MYLIP: variants seen among roughly 807,000 people sequenced by gnomAD.
MYLIP encodes E3 ubiquitin-protein ligase MYLIP.
In MYLIP, 26 loss-of-function variants were observed where a neutral mutation model predicts 45.8. That is an observed-to-expected ratio of 0.57 (90% confidence interval 0.42 to 0.79). The LOEUF (loss-of-function observed/expected upper bound fraction) is 0.79, where lower values mean the gene tolerates loss of function less well. MYLIP is among the 30% of genes least tolerant of loss of function. The probability of loss-of-function intolerance (pLI) is 0.00; values close to 1 mark genes in which losing one functional copy is unlikely to be tolerated. For missense variants in MYLIP, 494 were observed against 555.6 expected, an observed-to-expected ratio of 0.89 and a Z score of 1.11; for synonymous variants, 213 against 218.1, an observed-to-expected ratio of 0.98 and a Z score of 0.21.
downstream of MYLIP, among the ~76,000 whole-genome samples, chr6:16,150,891 C>A (rs887509516): frequency 2.0e-5 from 3 of 152,108 alleles, no homozygotes; most frequent in Non-Finnish European, 4.4e-5. Flanking sequence ...TCGAATGCAA[C>A]GCTGGGAAGT....
Position 16,144,883 on chromosome 6 carries a change from A to T in MYLIP, c.828-14A>T, listed in dbSNP as rs750024552. On this transcript the variant is annotated splice_polypyrimidine_tract_variant and intron_variant, in intron 5 of 6. Coordinates refer to ENST00000356840, the MANE Select transcript of MYLIP (RefSeq NM_013262.4). ...TCTTTGGTGTTAAAGTAGATGTTCA[A>T]TCTTGCCTTGCAGGTGTGACACAGT... 3 of 1,601,770 alleles carry T rather than the reference A, an allele frequency of 1.9e-6. No individual in the cohort carries two copies. In the Admixed American group the frequency reaches 5.1e-5, roughly 27 times the overall value.
chr6:16,144,636 G>T (rs951832240), intron 5 of MYLIP, among the ~76,000 whole-genome samples: 8 of 152,174 alleles, frequency 5.3e-5, no homozygotes, highest in African/African-American at 1.7e-4. Context: ...ACTCAGTAGC[G>T]TCTGTCCTGG....
chr6:16,161,391 C>A, the MYLIP span: 1 of 231,060 alleles, frequency 4.3e-6, no homozygotes, highest in East Asian at 1.2e-4. Flanking sequence ...CGAAGATGAC[C>A]TCCCGGACAA....
intron 2 of MYLIP, among the ~76,000 whole-genome samples, chr6:16,139,342 C>T (rs1049619810): frequency 1.3e-5 from 2 of 150,238 alleles, no homozygotes; most frequent in Non-Finnish European, 2.9e-5. Context: ...GAGCCCAGAT[C>T]GTGCCATAGC....
At chr6:16,156,876 C>T in the MYLIP span, among the ~76,000 whole-genome samples, 4 of 152,222 alleles carry the variant, frequency 2.6e-5, no homozygotes, top group Non-Finnish European at 5.9e-5. Context: ...TGTCTTCCTG[C>T]GTATGGACAA....
chr6:16,150,797 C>CA (rs1300525644), downstream of MYLIP, among the ~76,000 whole-genome samples: 2 of 152,048 alleles, frequency 1.3e-5, no homozygotes, highest in Non-Finnish European at 2.9e-5. Flanking sequence ...TTAAGGGTTT[C>CA]AAAAATCAGT....
At chr6:16,149,985 G>A (rs969723827), downstream of MYLIP, among the ~76,000 whole-genome samples, 1 of 152,182 alleles carries the variant, frequency 6.6e-6, no homozygotes, top group Non-Finnish European at 1.5e-5. Context: ...AGTTGAAAGC[G>A]TGGGTTGGAA....
At chr6:16,153,365 T>G in the MYLIP span, among the ~76,000 whole-genome samples, 1 of 152,246 alleles carries the variant, frequency 6.6e-6, no homozygotes, top group Non-Finnish European at 1.5e-5. Flanking sequence ...CTTTCCCTGC[T>G]CTTTACATCA....
Position 16,146,724 on chromosome 6 carries a change from C to G in MYLIP, c.1311C>G (p.Thr437=). 1 of 1,611,236 alleles carries G rather than the reference C, an allele frequency of 6.2e-7. No homozygotes were observed. The highest frequency in any genetic ancestry group is 8.5e-7 in the Non-Finnish European group (1 of 1,178,338). Residue 437 remains threonine (T), a synonymous_variant, in exon 7 of 7, where the codon ACC becomes ACG. Transcript: ENST00000356840. ...AGCACGTCTATCTGCCAACGCACAC[C>G]AGTCTTCTCAATCTGACTGTAATCT... ...HVQHVYLPTH[T]SLLNLTVI
At chr6:16,136,662 C>A (rs1759563188) in intron 2 of MYLIP, among the ~76,000 whole-genome samples, 3 of 152,176 alleles carry the variant, frequency 2.0e-5, no homozygotes, top group African/African-American at 7.2e-5. Flanking sequence ...CGGACCTTTT[C>A]CCAAAGCTAT....
At chr6:16,156,059 C>T in the MYLIP span, among the ~76,000 whole-genome samples, 1 of 152,296 alleles carries the variant, frequency 6.6e-6, no homozygotes, top group East Asian at 1.9e-4. Context: ...GGAAGCTATG[C>T]TTTCAAGCCG....
chr6:16,162,018 T>C, the MYLIP span, among the ~76,000 whole-genome samples: 6 of 152,264 alleles, frequency 3.9e-5, no homozygotes, highest in East Asian at 1.2e-3. Flanking sequence ...AGAAGCAAAA[T>C]AGTTTCCTAC....
At chr6:16,157,168 G>GCA in the MYLIP span, among the ~76,000 whole-genome samples, 1 of 152,220 alleles carries the variant, frequency 6.6e-6, no homozygotes, top group Non-Finnish European at 1.5e-5. Flanking sequence ...AAATGTTTCA[G>GCA]ATGCTTAGGG....
downstream of MYLIP, among the ~76,000 whole-genome samples, chr6:16,151,150 C>A (rs559283216): frequency 6.6e-6 from 1 of 151,548 alleles, no homozygotes; most frequent in African/African-American, 2.4e-5. Context: ...GAGATCAAGA[C>A]CATCCTGGCT....
chr6:16,161,271 C>G, the MYLIP span: 2 of 371,274 alleles, frequency 5.4e-6, no homozygotes, highest in East Asian at 8.5e-5. Context: ...AGACCTTCAG[C>G]CTTCATGCCA....
At chr6:16,137,924 A>G (rs937422516) in intron 2 of MYLIP, among the ~76,000 whole-genome samples, 1 of 152,190 alleles carries the variant, frequency 6.6e-6, no homozygotes, top group Non-Finnish European at 1.5e-5. Context: ...ATGTTAATTC[A>G]TCTGTGCCCA....
intron 4 of MYLIP, 53 bp from the exon 5 acceptor site, chr6:16,143,646 G>A (rs1419561403): frequency 1.3e-5 from 20 of 1,586,070 alleles, no homozygotes; most frequent in Middle Eastern, 1.7e-4. Flanking sequence ...GCACACACAT[G>A]GTGAAGAATC....
chr6:16,152,154 G>A (rs547111343), downstream of MYLIP, among the ~76,000 whole-genome samples: 1 of 152,216 alleles, frequency 6.6e-6, no homozygotes, highest in Non-Finnish European at 1.5e-5. Context: ...GGGTACAAGA[G>A]AGGACAGAAG....
chr6:16,151,418 C>G (rs112129014), downstream of MYLIP, among the ~76,000 whole-genome samples: 1 of 151,756 alleles, frequency 6.6e-6, no homozygotes, highest in African/African-American at 2.4e-5. Context: ...TTTGCATGTG[C>G]GCCTGAAGGA....
Sources: allele counts gnomAD v4.1 joint callset (sites outside exome capture counted in the v4.1 genomes callset), GRCh38; gene constraint gnomAD v4.1.1; transcripts MANE v1.5; gene names NCBI Gene and HGNC (gene_info 2026-07-23, HGNC 2026-07-21).